SYT9: variants seen among roughly 807,000 people sequenced by gnomAD.
The protein encoded by SYT9 is synaptotagmin-9.
In SYT9, 22 loss-of-function variants were observed where a neutral mutation model predicts 48.4. The observed-to-expected ratio is 0.45, with a 90% confidence interval of 0.32 to 0.65. The LOEUF (loss-of-function observed/expected upper bound fraction) is 0.65. SYT9 is among the 30% of genes least tolerant of loss of function. The pLI, the probability that SYT9 is intolerant of heterozygous loss-of-function variation, is 0.03. For synonymous variants in SYT9, 265 were observed against 245.0 expected (o/e 1.08, Z -0.76); for missense variants, 577 against 622.0 (o/e 0.93, Z 0.77).
At chr11:7,239,984 A>G (rs1464165757) in intron 1 of SYT9, among the ~76,000 whole-genome samples, 1 of 152,202 alleles carries the variant, frequency 6.6e-6, no homozygotes, top group Non-Finnish European at 1.5e-5. Flanking sequence ...AGTCATCAGC[A>G]TATAGAAGGA....
At chr11:7,270,292 G>A (rs74707163) in intron 1 of SYT9, among the ~76,000 whole-genome samples, 1 of 152,052 alleles carries the variant, frequency 6.6e-6, no homozygotes. Context: ...GCACATTTTA[G>A]GCTCATCTGT....
At chr11:7,387,224 G>T (rs1196296610) in intron 3 of SYT9, among the ~76,000 whole-genome samples, 1 of 151,882 alleles carries the variant, frequency 6.6e-6, no homozygotes, top group Non-Finnish European at 1.5e-5. Flanking sequence ...CGAGTTAATG[G>T]GTGCAGCATA....
chr11:7,361,683 G>A (rs1850139590), intron 3 of SYT9, among the ~76,000 whole-genome samples: 1 of 152,106 alleles, frequency 6.6e-6, no homozygotes, highest in East Asian at 1.9e-4. Context: ...AATATATGCT[G>A]GTTCAGGGTC....
chr11:7,351,665 TTGAGA>T (rs1470787725), intron 3 of SYT9, among the ~76,000 whole-genome samples: 7 of 152,190 alleles, frequency 4.6e-5, no homozygotes, highest in East Asian at 1.9e-4. Context: ...AAGTAGAAAC[TTGAGA>T]TGAGACTAAG....
chr11:7,422,966 T>A (rs149468957), intron 6 of SYT9, among the ~76,000 whole-genome samples: 2 of 152,266 alleles, frequency 1.3e-5, no homozygotes, highest in Non-Finnish European at 2.9e-5. Context: ...TCCACAGTTA[T>A]GTAACTGAAA....
At chr11:7,452,118 A>AACACACACACACACAC (rs142000557) in intron 6 of SYT9, among the ~76,000 whole-genome samples, 2,816 of 147,554 alleles carry the variant, frequency 0.019, 89 homozygotes, top group African/African-American at 0.061. Context: ...TTATATTTAA[A>AACACACACACACACAC]ACACACACAC....
intron 6 of SYT9, among the ~76,000 whole-genome samples, chr11:7,455,204 A>AT (rs1848127746): frequency 3.2e-5 from 1 of 30,910 alleles, no homozygotes; most frequent in South Asian, 8.7e-4. Flanking sequence ...TCTTTCACTG[A>AT]GAAAAAAAAA....
intron 6 of SYT9, among the ~76,000 whole-genome samples, chr11:7,445,460 G>A (rs1385731843): frequency 2.0e-5 from 3 of 152,024 alleles, no homozygotes; most frequent in South Asian, 2.1e-4. Context: ...TCTGACTGCA[G>A]TCCCCCTCTG....
At chr11:7,359,892 T>C (rs1850099011) in intron 3 of SYT9, among the ~76,000 whole-genome samples, 1 of 152,134 alleles carries the variant, frequency 6.6e-6, no homozygotes, top group South Asian at 2.1e-4. Context: ...TTTGTTACCA[T>C]TGCTTTTGGT....
intron 6 of SYT9, among the ~76,000 whole-genome samples, chr11:7,463,454 A>T (rs77523093): frequency 0.059 from 8,804 of 148,646 alleles, 287 homozygotes; most frequent in African/African-American, 0.088. Flanking sequence ...GATTTGGTTG[A>T]GATTTTCTAG....
At chr11:7,436,523 T>A (rs570811032) in intron 6 of SYT9, among the ~76,000 whole-genome samples, 24 of 152,372 alleles carry the variant, frequency 1.6e-4, no homozygotes, top group African/African-American at 5.3e-4. Context: ...GCTGTTTATA[T>A]GCATGTATAT....
At chr11:7,328,965 T>C (rs905714723) in intron 3 of SYT9, among the ~76,000 whole-genome samples, 1 of 152,224 alleles carries the variant, frequency 6.6e-6, no homozygotes, top group Admixed American at 6.5e-5. Context: ...TAACACTCTT[T>C]TCTCTGTGCC....
chr11:7,248,168 G>C (rs1847817811), upstream of SYT9, among the ~76,000 whole-genome samples: 3 of 151,942 alleles, frequency 2.0e-5, no homozygotes, highest in African/African-American at 7.3e-5. Context: ...TTTTTGATGG[G>C]ATTGTTTGTT....
At chr11:7,407,380 T>TCC (rs1453648920) in intron 3 of SYT9, among the ~76,000 whole-genome samples, 82 of 68,244 alleles carry the variant, frequency 1.2e-3, no homozygotes, top group Middle Eastern at 5.4e-3. Context: ...TTTTTTTTTT[T>TCC]TTTTTTTTTT....
At chr11:7,418,222 G>A in intron 5 of SYT9, 94 bp downstream of exon 5, 6 of 1,388,034 alleles carry the variant, frequency 4.3e-6, no homozygotes, top group South Asian at 1.3e-5. Context: ...CTTACCTGGT[G>A]TCCCAGGCTG....
intron 6 of SYT9, among the ~76,000 whole-genome samples, chr11:7,446,848 C>T (rs1384276244): frequency 2.6e-5 from 4 of 152,226 alleles, no homozygotes; most frequent in African/African-American, 4.8e-5. Flanking sequence ...TGGTCAGCTC[C>T]GCAGGCCTCC....
intron 2 of SYT9, among the ~76,000 whole-genome samples, chr11:7,310,147 T>C (rs1257628483): frequency 1.3e-5 from 2 of 152,196 alleles, no homozygotes; most frequent in Non-Finnish European, 2.9e-5. Context: ...TTTTTGAGTT[T>C]TTTTGAGATG....
At chr11:7,268,782 A>C (rs905296375) in intron 1 of SYT9, among the ~76,000 whole-genome samples, 2 of 152,094 alleles carry the variant, frequency 1.3e-5, no homozygotes, top group Non-Finnish European at 2.9e-5. Flanking sequence ...AAAGTGTACA[A>C]TGGAATTATT....
intron 3 of SYT9, among the ~76,000 whole-genome samples, chr11:7,383,085 G>C (rs1440321628): frequency 1.3e-5 from 2 of 152,200 alleles, no homozygotes; most frequent in Non-Finnish European, 2.9e-5. Context: ...AAAATATCAG[G>C]AATAGAGTTG....
Sources: allele counts gnomAD v4.1 joint callset (sites outside exome capture counted in the v4.1 genomes callset), GRCh38; gene constraint gnomAD v4.1.1; transcripts MANE v1.5; gene names NCBI Gene and HGNC (gene_info 2026-07-23, HGNC 2026-07-21).